The following LRMDA variants were observed in gnomAD, a reference collection of about 807,000 sequenced individuals.
LRMDA encodes the protein leucine-rich melanocyte differentiation-associated protein.
LRMDA carries 18 observed loss-of-function variants against 29.8 expected under a neutral mutation model. The ratio of observed to expected loss-of-function variants is 0.60; its 90% CI spans 0.42 to 0.90. LRMDA has a LOEUF of 0.90. LRMDA is among the 40% of genes least tolerant of loss of function. The pLI, the probability that LRMDA is intolerant of heterozygous loss-of-function variation, is 0.00. For missense variants in LRMDA, 273 were observed against 273.9 expected, an observed-to-expected ratio of 1.00 and a Z score of 0.02; for synonymous variants, 125 against 109.4, an observed-to-expected ratio of 1.14 and a Z score of -0.89.
intron 2 of LRMDA, among the ~76,000 whole-genome samples, chr10:75,965,370 AG>A (rs1377188637): frequency 6.6e-6 from 1 of 152,228 alleles, no homozygotes. Context: ...GAATAAGACA[AG>A]TAAAGAGTTT....
chr10:75,972,171 G>A (rs1846985162), intron 2 of LRMDA, among the ~76,000 whole-genome samples: 6 of 152,182 alleles, frequency 3.9e-5, no homozygotes, highest in Admixed American at 3.3e-4. Flanking sequence ...GACTAATATG[G>A]CATTAGTTGG....
At chr10:76,038,693 CCTAA>C (rs1848293121) in intron 3 of LRMDA, among the ~76,000 whole-genome samples, 1 of 152,182 alleles carries the variant, frequency 6.6e-6, no homozygotes, top group South Asian at 2.1e-4. Context: ...GACTCTCCTA[CCTAA>C]CTGTGAGAAT....
At chr10:76,022,216 A>G (rs140917103) in intron 2 of LRMDA, among the ~76,000 whole-genome samples, 1 of 152,240 alleles carries the variant, frequency 6.6e-6, no homozygotes, top group African/African-American at 2.4e-5. Flanking sequence ...GGAGGACAGG[A>G]TTGTACTCCT....
At chr10:76,179,236 G>A (rs1447834287) in intron 5 of LRMDA, among the ~76,000 whole-genome samples, 1 of 152,070 alleles carries the variant, frequency 6.6e-6, no homozygotes, top group Non-Finnish European at 1.5e-5. Context: ...TGCAATCAAG[G>A]AGGGGGGGGT....
intron 3 of LRMDA, 113 bp from the exon 4 acceptor site, chr10:76,047,051 C>A (rs1012307732): frequency 1.7e-6 from 2 of 1,155,146 alleles, no homozygotes; most frequent in Non-Finnish European, 2.5e-6. Flanking sequence ...ATTTCAGCCC[C>A]CACCCTGAGG....
At chr10:76,388,442 C>A (rs1427197195) in intron 6 of LRMDA, among the ~76,000 whole-genome samples, 1 of 152,192 alleles carries the variant, frequency 6.6e-6, no homozygotes, top group Non-Finnish European at 1.5e-5. Context: ...CATGTTCATA[C>A]ATTCATCTGT....
intron 2 of LRMDA, among the ~76,000 whole-genome samples, chr10:75,730,495 A>G (rs1357947392): frequency 2.0e-5 from 3 of 152,136 alleles, no homozygotes. Flanking sequence ...TTCCCAGCTT[A>G]CTGATGAGCG....
At chr10:75,666,698 G>GTT (rs56100833) in intron 2 of LRMDA, among the ~76,000 whole-genome samples, 1 of 151,036 alleles carries the variant, frequency 6.6e-6, no homozygotes, top group Non-Finnish European at 1.5e-5. Flanking sequence ...TAGATGGTTG[G>GTT]TTTTTTTTTG....
chr10:76,247,577 G>A (rs1247957399), intron 5 of LRMDA, among the ~76,000 whole-genome samples: 1 of 152,188 alleles, frequency 6.6e-6, no homozygotes, highest in Non-Finnish European at 1.5e-5. Flanking sequence ...TAGTGTGATA[G>A]ATTGTTAAAA....
At chr10:76,001,485 T>C (rs1172350717) in intron 2 of LRMDA, among the ~76,000 whole-genome samples, 1 of 152,210 alleles carries the variant, frequency 6.6e-6, no homozygotes, top group Non-Finnish European at 1.5e-5. Context: ...TTTATAGTTT[T>C]GAAGTTTAAG....
intron 2 of LRMDA, among the ~76,000 whole-genome samples, chr10:75,973,824 G>A (rs1285350096): frequency 6.6e-6 from 1 of 152,148 alleles, no homozygotes; most frequent in African/African-American, 2.4e-5. Context: ...TACCCCAGGA[G>A]GTGGAGGAGA....
intron 2 of LRMDA, among the ~76,000 whole-genome samples, chr10:75,567,434 G>T (rs2132067594): frequency 6.6e-6 from 1 of 152,350 alleles, no homozygotes; most frequent in East Asian, 1.9e-4. Context: ...GATGGATAGT[G>T]ACTAGCAGTT....
intron 6 of LRMDA, among the ~76,000 whole-genome samples, chr10:76,413,665 AAAAT>A (rs1269998945): frequency 1.3e-4 from 20 of 152,176 alleles, no homozygotes; most frequent in South Asian, 2.1e-4. Context: ...CTCAAACTAA[AAAAT>A]AGTATAAAAT....
chr10:76,353,338 G>GTGTT, intron 6 of LRMDA, among the ~76,000 whole-genome samples: 1 of 151,494 alleles, frequency 6.6e-6, no homozygotes, highest in Non-Finnish European at 1.5e-5. Context: ...AGTTGTGTGT[G>GTGTT]TGTGTGTGTG....
intron 2 of LRMDA, among the ~76,000 whole-genome samples, chr10:75,920,394 A>G (rs935348804): frequency 6.6e-6 from 1 of 152,152 alleles, no homozygotes; most frequent in Non-Finnish European, 1.5e-5. Flanking sequence ...ATGATTGGAG[A>G]ACCTGCTTGT....
At chr10:75,979,590 C>T (rs773956465) in intron 2 of LRMDA, among the ~76,000 whole-genome samples, 31 of 152,102 alleles carry the variant, frequency 2.0e-4, no homozygotes, top group Admixed American at 2.6e-4. Flanking sequence ...CCCGTGGGGA[C>T]CAGCATCAAG....
intron 2 of LRMDA, among the ~76,000 whole-genome samples, chr10:75,904,352 C>G (rs1564602440): frequency 1.3e-5 from 2 of 152,140 alleles, no homozygotes. Flanking sequence ...GTCTTTTTGT[C>G]TATTAATTCT....
chr10:75,989,105 C>CTGGG (rs1182933836), intron 2 of LRMDA, among the ~76,000 whole-genome samples: 1 of 152,182 alleles, frequency 6.6e-6, no homozygotes, highest in Non-Finnish European at 1.5e-5. Flanking sequence ...TCCACAAGGG[C>CTGGG]TGGGGTCCCA....
chr10:75,887,109 G>A (rs1015839748), intron 2 of LRMDA, among the ~76,000 whole-genome samples: 8 of 151,244 alleles, frequency 5.3e-5, no homozygotes, highest in African/African-American at 1.7e-4. Flanking sequence ...CACAGGGAAC[G>A]AAGAGGTGAT....
Sources: allele counts gnomAD v4.1 joint callset (sites outside exome capture counted in the v4.1 genomes callset), GRCh38; gene constraint gnomAD v4.1.1; transcripts MANE v1.5; gene names NCBI Gene and HGNC (gene_info 2026-07-23, HGNC 2026-07-21).